The following STARD13 variants were observed in gnomAD, a reference collection of about 807,000 sequenced individuals.
STARD13 encodes stAR-related lipid transfer protein 13.
A neutral mutation model predicts 106.4 loss-of-function variants in STARD13; 62 were observed. That is an observed-to-expected ratio of 0.58 (90% CI 0.48 to 0.72). The LOEUF is 0.72. Ranked by LOEUF, STARD13 falls within the 30% of genes least tolerant of loss-of-function variation. The probability of loss-of-function intolerance (pLI) is 0.00; values close to 1 mark genes in which losing one functional copy is unlikely to be tolerated. For missense variants in STARD13, 1,387 were observed against 1,424.0 expected, an observed-to-expected ratio of 0.97 and a Z score of 0.42; for synonymous variants, 565 against 553.0, an observed-to-expected ratio of 1.02 and a Z score of -0.31.
rs1593836455 is a variant in STARD13 at position 33,104,499 on chromosome 13, T to C, written c.*1094A>G. ...TATCCTACACATAACAAAATATGAA[T>C]TCCCTGAAGCTGTAACGATCTAGGA... On this transcript the variant is annotated 3_prime_UTR_variant, in exon 14 of 14. Coordinates refer to ENST00000336934, the MANE Select transcript of STARD13 (RefSeq NM_178006.4). The C allele has an allele frequency of 6.6e-6, 1 of 152,620 alleles. No homozygotes were observed. The highest frequency in any genetic ancestry group is 2.1e-4 in the South Asian group (1 of 4,828). The allele number at this position is 152,620 out of a possible 1,614,324, so 9.5% of individuals were successfully genotyped here.
the STARD13 span, among the ~76,000 whole-genome samples, chr13:33,631,298 T>C: frequency 1.3e-5 from 2 of 152,250 alleles, no homozygotes; most frequent in African/African-American, 2.4e-5. Context: ...CACCTATCTA[T>C]CTAAAACCAT....
At chr13:33,302,996 C>T (rs1187560647) in intron 1 of STARD13, among the ~76,000 whole-genome samples, 1 of 152,142 alleles carries the variant, frequency 6.6e-6, no homozygotes, top group Non-Finnish European at 1.5e-5. Context: ...ACCTTAAAAA[C>T]CTTTGAAATC....
chr13:33,204,111 A>G (rs1205831958), intron 1 of STARD13, among the ~76,000 whole-genome samples: 2 of 152,174 alleles, frequency 1.3e-5, no homozygotes, highest in Non-Finnish European at 2.9e-5. Context: ...TCGTCTCCAT[A>G]AGGTCTGACG....
At chr13:33,496,070 TA>T in the STARD13 span, among the ~76,000 whole-genome samples, 251 of 142,052 alleles carry the variant, frequency 1.8e-3, no homozygotes, top group African/African-American at 6.0e-3. Flanking sequence ...TAGTTATATA[TA>T]GTTAATATAT....
intron 1 of STARD13, among the ~76,000 whole-genome samples, chr13:33,224,843 AT>A (rs1888538411): frequency 6.6e-6 from 1 of 152,164 alleles, no homozygotes; most frequent in Admixed American, 6.5e-5. Context: ...ATCTTTGTAC[AT>A]TTTCCTCTCG....
intron 1 of STARD13, among the ~76,000 whole-genome samples, chr13:33,247,672 A>G (rs904166207): frequency 6.6e-6 from 1 of 152,202 alleles, no homozygotes; most frequent in Non-Finnish European, 1.5e-5. Flanking sequence ...TCAATTTGCT[A>G]TATATTAGAT....
intron 1 of STARD13, among the ~76,000 whole-genome samples, chr13:33,274,420 C>A (rs1185079689): frequency 3.3e-5 from 5 of 152,188 alleles, no homozygotes; most frequent in Non-Finnish European, 7.3e-5. Context: ...ACCCTGCCGG[C>A]ACCTTGTTCT....
chr13:33,659,364 T>C, the STARD13 span, among the ~76,000 whole-genome samples: 2 of 152,060 alleles, frequency 1.3e-5, no homozygotes, highest in Non-Finnish European at 2.9e-5. Context: ...TACAGGCATA[T>C]GCCACCACAC....
chr13:33,523,734 T>C, the STARD13 span, among the ~76,000 whole-genome samples: 2 of 152,154 alleles, frequency 1.3e-5, no homozygotes, highest in Non-Finnish European at 2.9e-5. Context: ...AAACTCTGTA[T>C]ATTATTTTGA....
chr13:33,122,860 G>A (rs559813700), intron 7 of STARD13, among the ~76,000 whole-genome samples: 60 of 152,126 alleles, frequency 3.9e-4, no homozygotes, highest in African/African-American at 1.3e-3. Flanking sequence ...TTCGAGACCA[G>A]CCTGGCCAAC....
intron 1 of STARD13, among the ~76,000 whole-genome samples, chr13:33,242,633 G>C (rs1889587820): frequency 6.6e-6 from 1 of 152,018 alleles, no homozygotes; most frequent in South Asian, 2.1e-4. Flanking sequence ...AGGGCCCTCT[G>C]CCTAGGAAAA....
Position 33,113,132 on chromosome 13 carries a change from C to G in STARD13, c.2282-201G>C, listed in dbSNP as rs139723476. ...GCTCATGGGAGGCAGAGCTGAGTCC[C>G]AACCCTTGCAATTGAACTTTGGATC... On this transcript the variant is annotated intron_variant, in intron 8 of 13. Transcript: ENST00000336934. 1,992 of 549,994 alleles carry G rather than the reference C, an allele frequency of 3.6e-3. 5 individuals are homozygous for G. The highest frequency in any genetic ancestry group is 5.3e-3 in the Non-Finnish European group (1,670 of 312,760). 34.1% of individuals were successfully genotyped at this position (549,994 alleles called of 1,614,324 possible). A position where few individuals can be genotyped will look rare whatever the true frequency, so the allele number is the denominator to read the frequency against.
At chr13:33,623,104 A>G in the STARD13 span, among the ~76,000 whole-genome samples, 1 of 152,048 alleles carries the variant, frequency 6.6e-6, no homozygotes, top group Non-Finnish European at 1.5e-5. Context: ...TCTCAAAAGT[A>G]AAATAAAATA....
chr13:33,148,147 C>A (rs1880800684), intron 3 of STARD13, among the ~76,000 whole-genome samples: 1 of 152,174 alleles, frequency 6.6e-6, no homozygotes, highest in South Asian at 2.1e-4. Context: ...ATCTACATGA[C>A]TTTGAATAAA....
upstream of STARD13, among the ~76,000 whole-genome samples, chr13:33,351,042 T>C (rs569172774): frequency 1.3e-5 from 2 of 152,322 alleles, no homozygotes; most frequent in African/African-American, 4.8e-5. Flanking sequence ...GCTACTCGGT[T>C]AGGTTGACAT....
the STARD13 span, among the ~76,000 whole-genome samples, chr13:33,468,749 T>C: frequency 6.6e-6 from 1 of 152,322 alleles, no homozygotes; most frequent in East Asian, 1.9e-4. Flanking sequence ...CCCAGTTCCA[T>C]GTATTCTTTT....
At chr13:33,414,117 C>T in the STARD13 span, among the ~76,000 whole-genome samples, 4 of 150,856 alleles carry the variant, frequency 2.7e-5, no homozygotes, top group African/African-American at 9.7e-5. Flanking sequence ...ATATTAAAAC[C>T]AAAATGAGAT....
chr13:33,208,402 T>C lies in STARD13; in HGVS notation c.170-40780A>G, dbSNP rs549992036. Among the ~76,000 whole-genome samples the C allele has an allele frequency of 3.9e-5, 6 of 152,144 alleles. No individual in the cohort carries two copies. The South Asian group carries it at 1.0e-3, about 26-fold the overall frequency. ...AAAGAAACAGGAGGCAAGGCAAGCTTGGGGACTCAGGAACCTTCTGGTGCT... is the reference window on the plus strand; with the variant it reads ...AAAGAAACAGGAGGCAAGGCAAGCTCGGGGACTCAGGAACCTTCTGGTGCT... On this transcript the variant is annotated intron_variant, in intron 1 of 13. Transcript: ENST00000336934.
the STARD13 span, among the ~76,000 whole-genome samples, chr13:33,469,381 A>G: frequency 6.6e-6 from 1 of 152,190 alleles, no homozygotes; most frequent in Non-Finnish European, 1.5e-5. Flanking sequence ...TTGAGGTGCT[A>G]TGGTTTCTCT....
Sources: allele counts gnomAD v4.1 joint callset (sites outside exome capture counted in the v4.1 genomes callset), GRCh38; gene constraint gnomAD v4.1.1; transcripts MANE v1.5; gene names NCBI Gene and HGNC (gene_info 2026-07-23, HGNC 2026-07-21).